The following LRRC7 variants were observed in gnomAD, a reference collection of about 807,000 sequenced individuals.
LRRC7 encodes leucine rich repeat containing 7, also known as leucine-rich repeat-containing protein 7.
Under a neutral mutation model 175.7 loss-of-function variants are expected in LRRC7, and 23 were observed. The ratio of observed to expected loss-of-function variants is 0.13; its 90% CI spans 0.09 to 0.19. LRRC7 has a LOEUF of 0.19. Ranked by LOEUF, LRRC7 falls within the 10% of genes least tolerant of loss-of-function variation. LRRC7 has a pLI of 1.00. For missense variants in LRRC7, 1,354 were observed against 1,904.7 expected (o/e 0.71, Z 5.38); for synonymous variants, 685 against 680.9 (o/e 1.01, Z -0.09).
At chr1:69,999,672 C>T (rs867008089) in intron 11 of LRRC7, among the ~76,000 whole-genome samples, 3 of 152,170 alleles carry the variant, frequency 2.0e-5, no homozygotes, top group Non-Finnish European at 2.9e-5. Flanking sequence ...TTCTCTGACA[C>T]TTCTGATTCT....
chr1:69,735,130 A>G (rs1282473764), intron 2 of LRRC7, among the ~76,000 whole-genome samples: 1 of 152,006 alleles, frequency 6.6e-6, no homozygotes, highest in East Asian at 1.9e-4. Flanking sequence ...CTTTTCTATA[A>G]CCACCATTAT....
Position 70,039,243 on chromosome 1 carries a change from A to G in LRRC7, c.3419A>G (p.Gln1140Arg), listed in dbSNP as rs1310763445. Residue 1140 changes from glutamine to arginine, a missense_variant, in exon 21 of 27, where the codon CAG becomes CGG. Physicochemically the swap from Gln to Arg is conservative, Grantham distance 43. Coordinates refer to ENST00000651989, the MANE Select transcript of LRRC7 (RefSeq NM_001370785.2). Reference protein sequence around the residue: ...SVNEDAVVNAQFASQGARAGF... With the variant: ...SVNEDAVVNARFASQGARAGF... ...AATGAGGATGCTGTGGTGAATGCCC[A>G]GTTCGCAAGCCAAGGGGCCAGGGCG... 3.1e-6 allele frequency: 5 copies of G among 1,613,508 alleles called. No homozygotes were observed. Among genetic ancestry groups the G allele is most frequent in the Non-Finnish European group, 4.2e-6 (5 of 1,179,950 alleles).
intron 7 of LRRC7, among the ~76,000 whole-genome samples, chr1:69,878,944 G>A (rs148645983): frequency 6.1e-4 from 91 of 148,088 alleles, no homozygotes; most frequent in Non-Finnish European, 2.8e-4. Context: ...GTCCAAATCC[G>A]TCAAATATAT....
chr1:70,053,109 G>A lies in LRRC7; in HGVS notation c.4194G>A (p.Gly1398=), dbSNP rs776046578. The change falls in exon 23 of 27, where the codon GGG becomes GGA. Residue 1398 remains glycine, a synonymous_variant. Coordinates refer to ENST00000651989, the MANE Select transcript of LRRC7 (RefSeq NM_001370785.2). The part of the protein sequence containing the change: ...PSGQWNPYPL[G]RRDVPPDTIT... ...GCCAATGGAATCCTTATCCACTTGG[G>A]AGGCGGGATGTACCTCCGGACACCA... The A allele has an allele frequency of 1.2e-6, 2 of 1,610,402 alleles. No individual in the cohort carries two copies. The highest frequency in any genetic ancestry group is 2.2e-5 in the South Asian group (2 of 90,310).
At chr1:70,042,746 G>C (rs1226356020) in intron 21 of LRRC7, among the ~76,000 whole-genome samples, 1 of 152,188 alleles carries the variant, frequency 6.6e-6, no homozygotes, top group African/African-American at 2.4e-5. Flanking sequence ...GAGATGTTCA[G>C]TGTCTTTTTC....
chr1:69,797,921 G>T (rs1038084576), intron 4 of LRRC7, among the ~76,000 whole-genome samples: 1 of 151,778 alleles, frequency 6.6e-6, no homozygotes, highest in Non-Finnish European at 1.5e-5. Flanking sequence ...TTTTTTGTTT[G>T]TTTGTTTGTT....
At chr1:70,116,062 A>G (rs973284099) in intron 26 of LRRC7, among the ~76,000 whole-genome samples, 1 of 152,264 alleles carries the variant, frequency 6.6e-6, no homozygotes, top group Non-Finnish European at 1.5e-5. Context: ...TTTGATAAAA[A>G]GAAAACAAGC....
intron 22 of LRRC7, among the ~76,000 whole-genome samples, chr1:70,051,931 A>G (rs1445069409): frequency 6.6e-6 from 1 of 152,064 alleles, no homozygotes; most frequent in East Asian, 1.9e-4. Flanking sequence ...GCAAACGCCC[A>G]TTTTTAACAT....
chr1:69,726,403 G>A (rs1358376983), intron 2 of LRRC7, among the ~76,000 whole-genome samples: 1 of 152,126 alleles, frequency 6.6e-6, no homozygotes, highest in East Asian at 1.9e-4. Context: ...CCTTAAAACA[G>A]CAACAATGGA....
At chr1:69,613,310 T>TTA (rs1649096296) in intron 1 of LRRC7, among the ~76,000 whole-genome samples, 1 of 152,002 alleles carries the variant, frequency 6.6e-6, no homozygotes, top group Admixed American at 6.6e-5. Context: ...AGGTCTCTTC[T>TTA]TATAAGGACA....
intron 9 of LRRC7, among the ~76,000 whole-genome samples, 197 bp downstream of exon 9, chr1:69,980,650 T>C (rs1175067890): frequency 1.3e-5 from 2 of 152,106 alleles, no homozygotes; most frequent in Non-Finnish European, 1.5e-5. Context: ...GTTATAGGTA[T>C]ACAAAACGTA....
At chr1:69,743,872 G>GAA (rs943626772) in intron 2 of LRRC7, among the ~76,000 whole-genome samples, 3 of 151,172 alleles carry the variant, frequency 2.0e-5, no homozygotes, top group Non-Finnish European at 4.4e-5. Flanking sequence ...CTTGTAACAA[G>GAA]AAAAAAAAGC....
At chr1:69,912,680 T>G (rs1646569064) in intron 7 of LRRC7, among the ~76,000 whole-genome samples, 1 of 152,182 alleles carries the variant, frequency 6.6e-6, no homozygotes, top group Non-Finnish European at 1.5e-5. Context: ...ACAATAATTT[T>G]CAGTCAGTGG....
intron 2 of LRRC7, among the ~76,000 whole-genome samples, chr1:69,749,651 T>A (rs550587628): frequency 6.6e-6 from 1 of 152,296 alleles, no homozygotes; most frequent in East Asian, 1.9e-4. Context: ...CATTATTTTT[T>A]AAAAATATAA....
intron 23 of LRRC7, among the ~76,000 whole-genome samples, chr1:70,071,108 A>G (rs997319033): frequency 2.6e-5 from 4 of 152,026 alleles, no homozygotes; most frequent in African/African-American, 9.7e-5. Context: ...GCTGTAGTGG[A>G]GGAGTTATTG....
chr1:69,875,488 G>A (rs1478932764), intron 7 of LRRC7, among the ~76,000 whole-genome samples: 4 of 151,832 alleles, frequency 2.6e-5, no homozygotes, highest in African/African-American at 9.7e-5. Flanking sequence ...AAAGTAAAAG[G>A]TTAAAATAAA....
At chr1:69,863,621 T>C (rs879626293) in intron 7 of LRRC7, among the ~76,000 whole-genome samples, 29 of 152,216 alleles carry the variant, frequency 1.9e-4, no homozygotes, top group Admixed American at 5.2e-4. Context: ...GTAGCTTACA[T>C]TTAATCAGAG....
At chr1:69,779,695 A>G (rs1673258689) in intron 3 of LRRC7, among the ~76,000 whole-genome samples, 1 of 152,236 alleles carries the variant, frequency 6.6e-6, no homozygotes, top group Non-Finnish European at 1.5e-5. Context: ...AAACAACAGC[A>G]GTGATATTTA....
At chr1:69,663,867 G>A (rs1414691265) in intron 1 of LRRC7, among the ~76,000 whole-genome samples, 6 of 151,076 alleles carry the variant, frequency 4.0e-5, no homozygotes, top group African/African-American at 1.2e-4. Context: ...GACTACAGGC[G>A]CCCGCCACCG....
Sources: gnomAD v4.1 joint callset for allele counts (sites outside exome capture counted in the v4.1 genomes callset) on GRCh38, gnomAD v4.1.1 for gene constraint, MANE v1.5 for transcripts, NCBI Gene and HGNC (gene_info 2026-07-23, HGNC 2026-07-21) for gene names.